Variants in SAMD5 observed in about 807,000 individuals in gnomAD.
SAMD5 encodes the protein sterile alpha motif domain containing 5, also known as sterile alpha motif domain-containing protein 5.
Under a neutral mutation model 11.3 loss-of-function variants are expected in SAMD5, and 13 were observed. The observed-to-expected ratio is 1.15, with a 90% confidence interval of 0.75 to 1.83. SAMD5 has a LOEUF of 1.83. Ranked by LOEUF, SAMD5 falls within the 40% of genes most tolerant of loss-of-function variation. The pLI, the probability that SAMD5 is intolerant of heterozygous loss-of-function variation, is 0.00. For missense variants in SAMD5, 255 were observed against 239.1 expected (o/e 1.07, Z -0.44); for synonymous variants, 129 against 111.3 (o/e 1.16, Z -1.00).
At chr6:147,789,087 A>G in the SAMD5 span, among the ~76,000 whole-genome samples, 2 of 119,502 alleles carry the variant, frequency 1.7e-5, no homozygotes, top group African/African-American at 7.9e-5. Flanking sequence ...GTCTCAAAAA[A>G]CAAACAAACA....
chr6:147,850,001 A>G, the SAMD5 span, among the ~76,000 whole-genome samples: 6 of 152,334 alleles, frequency 3.9e-5, 1 homozygote, highest in Admixed American at 2.0e-4. Flanking sequence ...AGCAAATAGT[A>G]TGAGTTAAGA....
chr6:147,795,716 C>CT, the SAMD5 span, among the ~76,000 whole-genome samples: 4 of 149,148 alleles, frequency 2.7e-5, no homozygotes, highest in Admixed American at 2.0e-4. Flanking sequence ...TCCACATCCT[C>CT]TCCAGCACCT....
the SAMD5 span, among the ~76,000 whole-genome samples, chr6:147,793,237 C>CA: frequency 6.6e-6 from 1 of 152,162 alleles, no homozygotes; most frequent in African/African-American, 2.4e-5. Context: ...TTATCCCCCC[C>CA]AAATCCATAA....
At chr6:147,593,385 G>T (rs1167280906) in intron 1 of SAMD5, among the ~76,000 whole-genome samples, 3 of 152,170 alleles carry the variant, frequency 2.0e-5, no homozygotes, top group Non-Finnish European at 4.4e-5. Flanking sequence ...AGGCTAAGGG[G>T]AAGGGGTGAG....
intron 1 of SAMD5, among the ~76,000 whole-genome samples, chr6:147,556,193 TGC>T (rs1788852903): frequency 6.6e-6 from 1 of 152,010 alleles, no homozygotes; most frequent in Non-Finnish European, 1.5e-5. Context: ...CTTGGGCTCA[TGC>T]CATTCTCCCG....
chr6:147,642,201 G>A (rs924062430), intron 1 of SAMD5, among the ~76,000 whole-genome samples: 3 of 152,280 alleles, frequency 2.0e-5, no homozygotes, highest in Admixed American at 6.5e-5. Flanking sequence ...TTATTTCTCT[G>A]TTTTAAGAAG....
chr6:147,609,157 A>G (rs1311217465), intron 1 of SAMD5, among the ~76,000 whole-genome samples: 11 of 152,138 alleles, frequency 7.2e-5, no homozygotes, highest in African/African-American at 2.7e-4. Flanking sequence ...ATATGTTCTT[A>G]TTTGAAGACA....
chr6:147,543,262 T>G (rs1198287806), intron 1 of SAMD5, among the ~76,000 whole-genome samples: 1 of 152,218 alleles, frequency 6.6e-6, no homozygotes, highest in Non-Finnish European at 1.5e-5. Context: ...TTACATTAAT[T>G]TGCCTAAACA....
chr6:147,604,769 T>C (rs1388781506), intron 1 of SAMD5, among the ~76,000 whole-genome samples: 1 of 152,354 alleles, frequency 6.6e-6, no homozygotes, highest in East Asian at 1.9e-4. Context: ...GCCTTAATGA[T>C]AGCTTTCTAC....
chr6:147,804,240 T>C, the SAMD5 span, among the ~76,000 whole-genome samples: 1 of 151,980 alleles, frequency 6.6e-6, no homozygotes, highest in South Asian at 2.1e-4. Flanking sequence ...CCCGAGTAGC[T>C]GGGACTACAG....
chr6:147,686,505 G>C (rs1791013611), intron 1 of SAMD5, among the ~76,000 whole-genome samples: 1 of 152,110 alleles, frequency 6.6e-6, no homozygotes, highest in African/African-American at 2.4e-5. Flanking sequence ...AGTTGACCTA[G>C]TCTCATGTAT....
chr6:147,577,652 G>A (rs1039446620), intron 1 of SAMD5, among the ~76,000 whole-genome samples: 2 of 151,956 alleles, frequency 1.3e-5, no homozygotes, highest in African/African-American at 2.4e-5. Context: ...TAAAAATCTT[G>A]GCACATTTCC....
rs532230567 is a variant in SAMD5 at position 147,721,521 on chromosome 6, C to A, written c.163-15796C>A. 3.5e-3 allele frequency among the ~76,000 whole-genome samples: 529 copies of A among 152,168 alleles called. 2 individuals carry two copies. Among genetic ancestry groups the A allele is most frequent in the Middle Eastern group, 0.024 (7 of 294 alleles). On this transcript the variant is annotated intron_variant, in intron 1 of 1. Transcript: ENST00000566741. ...TCTTTTGAGAAGTGTCTGTTCATAT[C>A]CTTTGCCCACTTTTTGATGGGGTTG...
intron 1 of SAMD5, among the ~76,000 whole-genome samples, chr6:147,600,732 G>A (rs893372558): frequency 6.6e-6 from 1 of 152,050 alleles, no homozygotes; most frequent in Non-Finnish European, 1.5e-5. Flanking sequence ...TTGATCACAG[G>A]GTCTCTATGT....
the SAMD5 span, among the ~76,000 whole-genome samples, chr6:147,948,529 T>C: frequency 0.029 from 4,424 of 152,228 alleles, 222 homozygotes; most frequent in African/African-American, 0.099. Context: ...GTAATTGTTC[T>C]TTAAAAGCAT....
intron 1 of SAMD5, among the ~76,000 whole-genome samples, chr6:147,732,332 T>C (rs1791727500): frequency 6.6e-6 from 1 of 152,218 alleles, no homozygotes; most frequent in Admixed American, 6.5e-5. Context: ...AGTTTTGCAA[T>C]TTCTCTCGTA....
the SAMD5 span, among the ~76,000 whole-genome samples, chr6:147,752,314 G>A: frequency 6.6e-6 from 1 of 152,158 alleles, no homozygotes; most frequent in Non-Finnish European, 1.5e-5. Context: ...GTGTTTCATT[G>A]TGATACCAGT....
At chr6:147,801,284 A>G in the SAMD5 span, among the ~76,000 whole-genome samples, 1 of 152,118 alleles carries the variant, frequency 6.6e-6, no homozygotes, top group East Asian at 1.9e-4. Context: ...TTACCCACTC[A>G]TTTAACAGCT....
the SAMD5 span, among the ~76,000 whole-genome samples, chr6:147,850,083 T>C: frequency 5.9e-5 from 9 of 152,234 alleles, no homozygotes; most frequent in Non-Finnish European, 1.2e-4. Context: ...TTGCATTCCT[T>C]TATTTTTATA....
Sources: allele counts gnomAD v4.1 joint callset (sites outside exome capture counted in the v4.1 genomes callset), GRCh38; gene constraint gnomAD v4.1.1; transcripts MANE v1.5; gene names NCBI Gene and HGNC (gene_info 2026-07-23, HGNC 2026-07-21).